INPP5A: variants seen among roughly 807,000 people sequenced by gnomAD.
INPP5A encodes inositol polyphosphate-5-phosphatase A, also known as 43 kDa inositol polyphosphate 5-phophatase.
In INPP5A, 14 loss-of-function variants were observed where a neutral mutation model predicts 65.2. The ratio of observed to expected loss-of-function variants is 0.21; its 90% CI spans 0.14 to 0.34. The LOEUF (loss-of-function observed/expected upper bound fraction) is 0.34, where lower values mean the gene tolerates loss of function less well. Ranked by LOEUF, INPP5A falls within the 10% of genes least tolerant of loss-of-function variation. INPP5A has a pLI of 1.00. For missense variants in INPP5A, 431 were observed against 545.6 expected, an observed-to-expected ratio of 0.79 and a Z score of 2.09; for synonymous variants, 207 against 208.3, an observed-to-expected ratio of 0.99 and a Z score of 0.05.
At position 132,777,719 on chromosome 10, in the gene INPP5A, C is replaced by T. The variant is rs771470812; in HGVS notation, c.1026C>T (p.Thr342=). The change falls in exon 13 of 16, where the codon ACC becomes ACT. Residue 342 remains threonine, a synonymous_variant. Transcript: ENST00000368594. ...GCCAGGGTGAGCAGTACATGAACACCCGGTGCCCAGCCTGGTGTGACCGCA... is the reference window on the plus strand; with the variant it reads ...GCCAGGGTGAGCAGTACATGAACACTCGGTGCCCAGCCTGGTGTGACCGCA... ...DARQGEQYMN[T]RCPAWCDRIL... is the part of the protein sequence containing the mutation. 5.6e-6 allele frequency: 9 copies of T among 1,612,908 alleles called. No homozygotes were observed. In the African/African-American group the frequency reaches 9.3e-5, roughly 17 times the overall value.
chr10:132,623,661 A>C (rs1383624555), intron 2 of INPP5A, among the ~76,000 whole-genome samples: 1 of 152,244 alleles, frequency 6.6e-6, no homozygotes, highest in Non-Finnish European at 1.5e-5. Flanking sequence ...ATATATCATA[A>C]TTAGGAACTT....
chr10:132,641,717 C>T (rs1044547261), intron 2 of INPP5A, among the ~76,000 whole-genome samples: 2 of 152,238 alleles, frequency 1.3e-5, no homozygotes, highest in African/African-American at 4.8e-5. Context: ...CAGTGCCCTG[C>T]TCTTTTCTAT....
At chr10:132,567,724 C>T (rs937999010) in intron 1 of INPP5A, among the ~76,000 whole-genome samples, 17 of 152,162 alleles carry the variant, frequency 1.1e-4, no homozygotes, top group East Asian at 3.9e-4. Context: ...TGAAGTCCAA[C>T]GATTCCAGCT....
chr10:132,662,251 C>T (rs886172284), intron 4 of INPP5A, among the ~76,000 whole-genome samples: 1 of 152,104 alleles, frequency 6.6e-6, no homozygotes, highest in African/African-American at 2.4e-5. Flanking sequence ...TTAAAAAAAA[C>T]GTTGAAAATA....
chr10:132,748,523 A>G (rs1463121439), intron 9 of INPP5A, among the ~76,000 whole-genome samples: 4 of 152,228 alleles, frequency 2.6e-5, no homozygotes, highest in Non-Finnish European at 1.5e-5. Flanking sequence ...CCCCGTGGCC[A>G]GTCCACCCAG....
chr10:132,599,147 C>T (rs1324536471), intron 1 of INPP5A, among the ~76,000 whole-genome samples: 2 of 152,224 alleles, frequency 1.3e-5, no homozygotes, highest in Non-Finnish European at 2.9e-5. Context: ...AAAGTCTTAA[C>T]TCATTGCAGC....
intron 4 of INPP5A, among the ~76,000 whole-genome samples, chr10:132,667,466 T>A (rs993463282): frequency 2.0e-5 from 3 of 152,184 alleles, no homozygotes; most frequent in Non-Finnish European, 4.4e-5. Flanking sequence ...TGCGTTATCC[T>A]CTTTAGAAAT....
At chr10:132,780,047 G>A (rs1027877241) in intron 13 of INPP5A, among the ~76,000 whole-genome samples, 15 of 152,374 alleles carry the variant, frequency 9.8e-5, no homozygotes, top group African/African-American at 3.4e-4. Context: ...CGCGAGAGGC[G>A]GGAAGGTGCT....
chr10:132,679,499 G>C (rs540457993), intron 4 of INPP5A, among the ~76,000 whole-genome samples: 2 of 152,204 alleles, frequency 1.3e-5, no homozygotes, highest in Non-Finnish European at 2.9e-5. Context: ...AGGTGGAGGA[G>C]AAGGGCTCGT....
chr10:132,755,561 TGA>T (rs749018268), intron 11 of INPP5A, among the ~76,000 whole-genome samples: 1 of 149,166 alleles, frequency 6.7e-6, no homozygotes, highest in East Asian at 2.0e-4. Context: ...GGTGTGTGCA[TGA>T]GAGCAGGTGT....
In INPP5A at chr10:132,749,659, G is replaced by C. The variant is rs770517998; in HGVS notation, c.828+47G>C. The C allele has an allele frequency of 2.5e-6, 4 of 1,601,632 alleles. No homozygotes were observed. The South Asian group carries it at 4.4e-5, about 18-fold the overall frequency. ...GCAGGTGACGCACGGGGCCTGCGCA[G>C]GACTCTGCAGCTTCCTTCAGAGCCG... On this transcript the variant is annotated intron_variant, in intron 10 of 15. Transcript: ENST00000368594.
chr10:132,764,387 A>G (rs1408451580), intron 11 of INPP5A, among the ~76,000 whole-genome samples: 1 of 151,716 alleles, frequency 6.6e-6, no homozygotes, highest in African/African-American at 2.4e-5. Context: ...CAGGGTTGAG[A>G]GGGTGTGTGT....
intron 2 of INPP5A, among the ~76,000 whole-genome samples, chr10:132,623,314 C>T (rs900546594): frequency 6.6e-6 from 1 of 151,348 alleles, no homozygotes; most frequent in African/African-American, 2.4e-5. Context: ...ATCAGTGGAA[C>T]AGAAAAGAGA....
rs1007894469 is a variant in INPP5A, at chr10:132,663,133, G to A, written c.306+12628G>A. Among the ~76,000 whole-genome samples the A allele has an allele frequency of 2.6e-5, 4 of 152,320 alleles. No individual in the cohort carries two copies. Among genetic ancestry groups the A allele is most frequent in the African/African-American group, 7.2e-5 (3 of 41,562 alleles). On this transcript the variant is annotated intron_variant, in intron 4 of 15. Coordinates refer to ENST00000368594, the MANE Select transcript of INPP5A (RefSeq NM_005539.5). This position sits in a 1 kb window ranked among gnomAD's most constrained non-coding sequence, Gnocchi z 4.5. ...CACAACTCAGGCAACTCGGCACGCCGCAGGACATAACGGCAGAGTGTGAGT... is the reference window on the plus strand; with the variant it reads ...CACAACTCAGGCAACTCGGCACGCCACAGGACATAACGGCAGAGTGTGAGT...
At chr10:132,646,786 G>A (rs548531063) in intron 3 of INPP5A, among the ~76,000 whole-genome samples, 208 of 151,882 alleles carry the variant, frequency 1.4e-3, no homozygotes, top group Non-Finnish European at 2.1e-3. Context: ...CCGCTGCCAC[G>A]CTCTGTGGGC....
chr10:132,725,009 A>G (rs954075989), intron 8 of INPP5A, among the ~76,000 whole-genome samples: 1 of 151,192 alleles, frequency 6.6e-6, no homozygotes, highest in African/African-American at 2.4e-5. Flanking sequence ...CACTCTCCAG[A>G]ACTCACGGGG....
chr10:132,755,459 C>T (rs901374295), intron 11 of INPP5A, among the ~76,000 whole-genome samples: 3 of 122,700 alleles, frequency 2.4e-5, no homozygotes, highest in Non-Finnish European at 5.1e-5. Context: ...CAGGTGTGAG[C>T]GAGTGTGTGT....
At chr10:132,689,838 T>C (rs1156907201) in intron 4 of INPP5A, among the ~76,000 whole-genome samples, 2 of 152,212 alleles carry the variant, frequency 1.3e-5, no homozygotes, top group Non-Finnish European at 2.9e-5. Context: ...ACCATCCGGC[T>C]AATTTGTAAG....
rs1170503033 is a variant in INPP5A at position 132,650,935 on chromosome 10, C to T, written c.306+430C>T. On this transcript the variant is annotated intron_variant, in intron 4 of 15. Transcript: ENST00000368594. This position sits in a 1 kb window ranked among gnomAD's most constrained non-coding sequence, Gnocchi z 5.5. ...CTTCCTGATCCCTGAGTGTGCAGGG[C>T]TGGGGCGGTGTCCTGCCTCGGAGAG... is the stretch of plus-strand genomic sequence containing the variant. Among the ~76,000 whole-genome samples, 1 of 152,190 alleles carries T rather than the reference C, an allele frequency of 6.6e-6. No individual in the cohort carries two copies. The highest frequency in any genetic ancestry group is 1.5e-5 in the Non-Finnish European group (1 of 68,014).
Sources: gnomAD v4.1 joint callset for allele counts (sites outside exome capture counted in the v4.1 genomes callset) on GRCh38, gnomAD v4.1.1 for gene constraint, Gnocchi (gnomAD v3.1) non-coding constraint, MANE v1.5 for transcripts, NCBI Gene and HGNC (gene_info 2026-07-23, HGNC 2026-07-21) for gene names.